DTNA: variants seen among roughly 807,000 people sequenced by gnomAD.
DTNA encodes the protein dystrophin-related protein 3.
Under a neutral mutation model 100.7 loss-of-function variants are expected in DTNA, and 43 were observed. The ratio of observed to expected loss-of-function variants is 0.43; its 90% CI spans 0.33 to 0.55. The LOEUF (loss-of-function observed/expected upper bound fraction) is 0.55, where lower values mean the gene tolerates loss of function less well. Among genes scored for constraint, DTNA ranks in the 20% least tolerant of loss-of-function variants. The probability of loss-of-function intolerance (pLI) is 0.04; values close to 1 mark genes in which losing one functional copy is unlikely to be tolerated. For missense variants in DTNA, 798 were observed against 953.9 expected (o/e 0.84, Z 2.15); for synonymous variants, 349 against 347.9 (o/e 1.00, Z -0.04).
chr18:34,601,896 C>T (rs1598903234), intron 1 of DTNA, among the ~76,000 whole-genome samples: 1 of 152,144 alleles, frequency 6.6e-6, no homozygotes, highest in East Asian at 1.9e-4. Flanking sequence ...CTACAGAATG[C>T]AGAAAGTAAA....
chr18:34,573,447 C>A (rs1041068801), intron 1 of DTNA, among the ~76,000 whole-genome samples: 1 of 152,158 alleles, frequency 6.6e-6, no homozygotes, highest in African/African-American at 2.4e-5. Context: ...GCATTAGTCT[C>A]AATAGGCACC....
intron 13 of DTNA, among the ~76,000 whole-genome samples, chr18:34,846,980 A>G (rs2096390843): frequency 6.6e-6 from 1 of 152,200 alleles, no homozygotes; most frequent in Admixed American, 6.5e-5. Flanking sequence ...GAACTGATGC[A>G]GAAGAATATA....
chr18:34,536,950 A>C (rs1335598410), intron 1 of DTNA, among the ~76,000 whole-genome samples: 1 of 111,868 alleles, frequency 8.9e-6, no homozygotes, highest in Non-Finnish European at 1.9e-5. Flanking sequence ...AGGCACAGAG[A>C]TAATGTAAGT....
At chr18:34,810,363 T>C (rs112565986) in intron 5 of DTNA, among the ~76,000 whole-genome samples, 2 of 152,044 alleles carry the variant, frequency 1.3e-5, no homozygotes, top group African/African-American at 4.8e-5. Flanking sequence ...TAAAAAAGAA[T>C]GAAATCCTGT....
At chr18:34,849,736 A>G (rs1368586169) in intron 14 of DTNA, among the ~76,000 whole-genome samples, 1 of 152,220 alleles carries the variant, frequency 6.6e-6, no homozygotes, top group Non-Finnish European at 1.5e-5. Flanking sequence ...TCTTATCTTA[A>G]AAGACTGACC....
At chr18:34,634,013 G>C (rs1229955175) in intron 1 of DTNA, among the ~76,000 whole-genome samples, 1 of 152,184 alleles carries the variant, frequency 6.6e-6, no homozygotes, top group African/African-American at 2.4e-5. Context: ...GGAGAAAACA[G>C]ATGTGCTTCC....
At chr18:34,537,230 G>T (rs62098468) in intron 1 of DTNA, among the ~76,000 whole-genome samples, 1 of 151,968 alleles carries the variant, frequency 6.6e-6, no homozygotes, top group Non-Finnish European at 1.5e-5. Flanking sequence ...TAAAGTTACT[G>T]TTAACTCAAA....
intron 1 of DTNA, among the ~76,000 whole-genome samples, chr18:34,516,647 A>C (rs1026980606): frequency 6.6e-6 from 1 of 152,118 alleles, no homozygotes; most frequent in African/African-American, 2.4e-5. Context: ...CCTTGCTGAG[A>C]AAAAGAATTC....
intron 12 of DTNA, 48 bp from the exon 13 acceptor site, chr18:34,838,697 G>A (rs747509626): frequency 1.3e-6 from 2 of 1,525,104 alleles, no homozygotes; most frequent in South Asian, 1.1e-5. Flanking sequence ...ACTTATTTCT[G>A]TCCACCTCTC....
chr18:34,591,404 A>G (rs909905724), intron 1 of DTNA, among the ~76,000 whole-genome samples: 1 of 152,226 alleles, frequency 6.6e-6, no homozygotes, highest in African/African-American at 2.4e-5. Flanking sequence ...ACACTTGCAC[A>G]TGAGCAGTTC....
chr18:34,868,636 A>T (rs112386664), intron 17 of DTNA: 2 of 985,308 alleles, frequency 2.0e-6, no homozygotes, highest in African/African-American at 3.5e-5. Flanking sequence ...GTGTGGTTCA[A>T]TGTAGTGTTT....
At chr18:34,549,538 G>C (rs1001488108) in intron 1 of DTNA, among the ~76,000 whole-genome samples, 5 of 151,958 alleles carry the variant, frequency 3.3e-5, no homozygotes, top group African/African-American at 1.2e-4. Context: ...TTTTAATCTA[G>C]TTTACAGGAG....
chr18:34,676,953 C>T (rs921481158), intron 1 of DTNA, among the ~76,000 whole-genome samples: 3 of 152,152 alleles, frequency 2.0e-5, no homozygotes, highest in Non-Finnish European at 4.4e-5. Context: ...GGATTGATGC[C>T]TTTAATTCAC....
chr18:34,540,179 A>G (rs753884996), intron 1 of DTNA, among the ~76,000 whole-genome samples: 2 of 151,986 alleles, frequency 1.3e-5, no homozygotes, highest in East Asian at 3.9e-4. Context: ...TCTAATGCCT[A>G]TATTTTCACT....
chr18:34,701,807 C>T (rs1361056995), intron 1 of DTNA, among the ~76,000 whole-genome samples: 1 of 152,042 alleles, frequency 6.6e-6, no homozygotes, highest in Non-Finnish European at 1.5e-5. Context: ...GATCCCTGTC[C>T]ATTCTACCTT....
intron 1 of DTNA, among the ~76,000 whole-genome samples, chr18:34,631,923 C>T (rs1028287732): frequency 2.0e-5 from 3 of 152,144 alleles, no homozygotes; most frequent in African/African-American, 4.8e-5. Context: ...ATACTTCTAT[C>T]GGGAGTTTCA....
chr18:34,834,780 C>A (rs1011422007), intron 11 of DTNA, among the ~76,000 whole-genome samples: 1 of 152,104 alleles, frequency 6.6e-6, no homozygotes, highest in African/African-American at 2.4e-5. Context: ...AGGGATCTAC[C>A]CCCATAACCC....
intron 1 of DTNA, among the ~76,000 whole-genome samples, chr18:34,738,440 G>C (rs1190428190): frequency 2.0e-5 from 3 of 152,148 alleles, no homozygotes; most frequent in African/African-American, 7.2e-5. Context: ...AAGCAACATA[G>C]TATGTTTACT....
intron 6 of DTNA, among the ~76,000 whole-genome samples, chr18:34,812,777 C>A (rs978393562): frequency 5.3e-5 from 8 of 152,150 alleles, no homozygotes; most frequent in African/African-American, 1.9e-4. Context: ...TTTTTACTAT[C>A]ACTGCACTTT....
Sources: allele counts gnomAD v4.1 joint callset (sites outside exome capture counted in the v4.1 genomes callset), GRCh38; gene constraint gnomAD v4.1.1; transcripts MANE v1.5; gene names NCBI Gene and HGNC (gene_info 2026-07-23, HGNC 2026-07-21).